SLC2A5: variants seen among roughly 807,000 people sequenced by gnomAD.
SLC2A5 encodes the protein solute carrier family 2, facilitated glucose transporter member 5.
A neutral mutation model predicts 50.3 loss-of-function variants in SLC2A5; 56 were observed. That is an observed-to-expected ratio of 1.11 (90% CI 0.90 to 1.39). SLC2A5 has a LOEUF of 1.39. SLC2A5 is among the 40% of genes most tolerant of loss of function. The pLI, the probability that SLC2A5 is intolerant of heterozygous loss-of-function variation, is 0.00. For synonymous variants in SLC2A5, 269 were observed against 281.9 expected (o/e 0.95, Z 0.46); for missense variants, 566 against 650.1 (o/e 0.87, Z 1.41).
Position 9,037,957 on chromosome 1 carries a change from C to G in SLC2A5, c.1242G>C (p.Val414=), listed in dbSNP as rs753651831. Reference sequence around the variant, plus strand: ...TGGAGAGCCAGTGCACACTGCCCCCCACCATGAAGGCAGATGGCCGAGAGG... The same window carrying G: ...TGGAGAGCCAGTGCACACTGCCCCCGACCATGAAGGCAGATGGCCGAGAGG... The part of the protein sequence containing the change: ...LQSSRPSAFM[V]GGSVHWLSNF... Residue 414 remains valine (V), a synonymous_variant, in exon 11 of 12, where the codon GTG becomes GTC. Transcript: ENST00000377424. 4.2e-5 allele frequency: 67 copies of G among 1,613,904 alleles called. No individual in the cohort carries two copies. In the South Asian group the frequency reaches 5.3e-4, roughly 13 times the overall value.
At chr1:9,061,130 CA>C (rs1390188549) in intron 1 of SLC2A5, among the ~76,000 whole-genome samples, 14 of 151,098 alleles carry the variant, frequency 9.3e-5, no homozygotes, top group Non-Finnish European at 2.1e-4. Flanking sequence ...ACTAAAAATT[CA>C]AAAATTTGCT....
At chr1:9,090,795 A>T (rs776072547), upstream of SLC2A5, among the ~76,000 whole-genome samples, 2 of 152,216 alleles carry the variant, frequency 1.3e-5, no homozygotes, top group Non-Finnish European at 2.9e-5. Flanking sequence ...TATTTCTGTC[A>T]GGCACTTCAA....
chr1:9,085,592 T>A (rs1160399930), intron 1 of SLC2A5, among the ~76,000 whole-genome samples: 1 of 152,220 alleles, frequency 6.6e-6, no homozygotes, highest in Non-Finnish European at 1.5e-5. Context: ...CTGTTGGTGC[T>A]GGAGAGGTTT....
chr1:9,073,956 C>T (rs371824656), upstream of SLC2A5, among the ~76,000 whole-genome samples: 31 of 152,196 alleles, frequency 2.0e-4, no homozygotes, highest in East Asian at 3.3e-3. Context: ...GGCGGGAGCC[C>T]GTAACCCCAC....
At chr1:9,067,340 G>A (rs932322940) in intron 1 of SLC2A5, among the ~76,000 whole-genome samples, 2 of 152,122 alleles carry the variant, frequency 1.3e-5, no homozygotes, top group Admixed American at 1.3e-4. Context: ...TCCTTCCCTG[G>A]AGGGCTGAGG....
intron 1 of SLC2A5, 57 bp downstream of exon 1, chr1:9,069,447 C>T: frequency 1.9e-6 from 3 of 1,596,818 alleles, no homozygotes; most frequent in Non-Finnish European, 1.7e-6. Context: ...AGGAAGGCTG[C>T]ACAGGCCCTG....
chr1:9,071,282 C>G (rs972160138), upstream of SLC2A5, among the ~76,000 whole-genome samples: 5 of 152,146 alleles, frequency 3.3e-5, no homozygotes, highest in African/African-American at 1.2e-4. Context: ...TGGTGGCAGA[C>G]GCCTGTAATC....
intron 9 of SLC2A5, 118 bp from the exon 10 acceptor site, chr1:9,038,624 C>A: frequency 8.1e-7 from 1 of 1,241,278 alleles, no homozygotes; most frequent in South Asian, 1.4e-5. Context: ...CCAGCAGTGC[C>A]ACCTCGATGA....
rs560786880 is a variant in SLC2A5 at position 9,037,883 on chromosome 1, C to T, written c.1302+14G>A. On this transcript the variant is annotated intron_variant, in intron 11 of 11. Transcript: ENST00000377424. ...GGGATCTGGTGGTGAGCGTGGGCCC[C>T]GGGCCCCACTCACCTGGATGAACGG... 2.2e-5 allele frequency: 35 copies of T among 1,613,694 alleles called. No homozygotes were observed. The highest frequency in any genetic ancestry group is 6.7e-5 in the East Asian group (3 of 44,874).
upstream of SLC2A5, chr1:9,069,654 G>A: frequency 9.4e-7 from 1 of 1,062,680 alleles, no homozygotes. Flanking sequence ...ACAGCCAATA[G>A]CATTTTTATA....
chr1:9,086,379 T>C (rs892630428), intron 1 of SLC2A5, among the ~76,000 whole-genome samples: 3 of 143,006 alleles, frequency 2.1e-5, no homozygotes, highest in Admixed American at 6.9e-5. Flanking sequence ...GATTTTCTTT[T>C]TCTCTCTCTT....
At chr1:9,052,861 A>G (rs1391812369) in intron 3 of SLC2A5, among the ~76,000 whole-genome samples, 2 of 151,374 alleles carry the variant, frequency 1.3e-5, no homozygotes, top group Non-Finnish European at 2.9e-5. Flanking sequence ...CTGTAGTCTC[A>G]GCTACTAGAG....
chr1:9,089,668 C>A (rs895004035), upstream of SLC2A5, among the ~76,000 whole-genome samples: 2 of 152,200 alleles, frequency 1.3e-5, no homozygotes, highest in African/African-American at 4.8e-5. Flanking sequence ...GATGTGGCAA[C>A]CCTGGACGCT....
At position 9,080,844 on chromosome 1, in the gene SLC2A5, G is replaced by A. The variant is rs114539856; in HGVS notation, c.-59+4170C>T. Among the ~76,000 whole-genome samples, 836 of 152,256 alleles carry A rather than the reference G, an allele frequency of 5.5e-3. 11 individuals are homozygous for A. Among genetic ancestry groups the A allele is most frequent in the African/African-American group, 0.019 (788 of 41,546 alleles). ...GCTTATGGGACCTTTAATCCCTCTC[G>A]CCTGGGGCGATAGGTGTGAGTCACT... On this transcript the variant is annotated intron_variant, in intron 2 of 5. Coordinates refer to the SLC2A5 transcript ENST00000464985.
intron 1 of SLC2A5, among the ~76,000 whole-genome samples, chr1:9,085,800 G>A (rs1557686931): frequency 6.6e-6 from 1 of 152,182 alleles, no homozygotes; most frequent in Non-Finnish European, 1.5e-5. Flanking sequence ...CAAGACAAGT[G>A]CTGGCTGCAG....
intron 3 of SLC2A5, among the ~76,000 whole-genome samples, chr1:9,048,563 C>T (rs7368193): frequency 0.43 from 64,663 of 151,878 alleles, 14,264 homozygotes; most frequent in East Asian, 0.65. Context: ...GGGAAAACAT[C>T]GGATTATCTC....
At chr1:9,041,410 G>T in intron 5 of SLC2A5, 1 of 1,121,368 alleles carries the variant, frequency 8.9e-7, no homozygotes, top group Non-Finnish European at 1.1e-6. Context: ...CAGCAGCGTT[G>T]CTGGGAGGGT....
intron 2 of SLC2A5, chr1:9,082,589 C>CA (rs1642366703): frequency 6.3e-6 from 1 of 157,582 alleles, no homozygotes; most frequent in Non-Finnish European, 1.4e-5. Context: ...ACATGAGCTT[C>CA]AAAAACATGC....
chr1:9,082,918 G>C (rs1569925301), intron 2 of SLC2A5: 1 of 243,226 alleles, frequency 4.1e-6, no homozygotes, highest in African/African-American at 2.4e-5. Context: ...GCTGCCAGGG[G>C]CTGGGGGCAG....
Sources: allele counts gnomAD v4.1 joint callset (sites outside exome capture counted in the v4.1 genomes callset), GRCh38; gene constraint gnomAD v4.1.1; transcripts MANE v1.5; gene names NCBI Gene and HGNC (gene_info 2026-07-23, HGNC 2026-07-21).